The following PCDHGC3 variants were observed in gnomAD, a reference collection of about 807,000 sequenced individuals.
The protein encoded by PCDHGC3 is protocadherin gamma subfamily C, 3.
In PCDHGC3, 26 loss-of-function variants were observed where a neutral mutation model predicts 59.2. That is an observed-to-expected ratio of 0.44 (90% CI 0.32 to 0.61). The LOEUF (loss-of-function observed/expected upper bound fraction) is 0.61. Among genes scored for constraint, PCDHGC3 ranks in the 20% least tolerant of loss-of-function variants. The pLI is 0.05. For synonymous variants in PCDHGC3, 487 were observed against 519.7 expected, an observed-to-expected ratio of 0.94 and a Z score of 0.86; for missense variants, 1,080 against 1,221.8, an observed-to-expected ratio of 0.88 and a Z score of 1.73.
chr5:141,500,894 C>G (rs1221911920), intron 2 of PCDHGC3, among the ~76,000 whole-genome samples: 1 of 150,982 alleles, frequency 6.6e-6, no homozygotes, highest in African/African-American at 2.4e-5. Flanking sequence ...TTTTTTGAGA[C>G]AGTCTCGCTC....
In PCDHGC3 at chr5:141,493,755, A is replaced by C. The variant is rs1364524112; in HGVS notation, c.2431-1052A>C. Among the ~76,000 whole-genome samples, 1 of 152,148 alleles carries C rather than the reference A, an allele frequency of 6.6e-6. No homozygotes were observed. The highest frequency in any genetic ancestry group is 2.4e-5 in the African/African-American group (1 of 41,440). On this transcript the variant is annotated intron_variant, in intron 1 of 3. Coordinates refer to ENST00000308177, the MANE Select transcript of PCDHGC3 (RefSeq NM_002588.4). The surrounding 1 kb of genome is among the most constrained non-coding windows in gnomAD (Gnocchi z 4.3). ...ATATCACTGCCACCTGTGAGCCTTG[A>C]GTGAGCCACTGGCAGTTCCGGAGCT...
At chr5:141,483,706 C>T (rs1187078630) in intron 1 of PCDHGC3, among the ~76,000 whole-genome samples, 1 of 151,926 alleles carries the variant, frequency 6.6e-6, no homozygotes, top group African/African-American at 2.4e-5. Context: ...CTTTTTGACA[C>T]CAGAATATTG....
rs1429860093 is a variant in PCDHGC3, at chr5:141,487,828, C to A, written c.2431-6979C>A. 3 of 1,184,120 alleles carry A rather than the reference C, an allele frequency of 2.5e-6. No individual in the cohort carries two copies. The highest frequency in any genetic ancestry group is 1.5e-5 in the African/African-American group (1 of 64,540). The allele number at this position is 1,184,120 out of a possible 1,614,324, so 73.4% of individuals were successfully genotyped here. A position where few individuals can be genotyped will look rare whatever the true frequency, so the allele number is the denominator to read the frequency against. ...AGTTTAGCATTGGGGGCGGGTCATG[C>A]CTATATCTGAGTAAGAAATGAAAGT... On this transcript the variant is annotated intron_variant, in intron 1 of 3. Coordinates refer to ENST00000308177, the MANE Select transcript of PCDHGC3 (RefSeq NM_002588.4). The surrounding 1 kb of genome is among the most constrained non-coding windows in gnomAD (Gnocchi z 5.0).
In PCDHGC3 at chr5:141,477,531, C is replaced by T. The variant is rs1316982512; in HGVS notation, c.1415C>T (p.Pro472Leu). 5 of 1,614,162 alleles carry T rather than the reference C, an allele frequency of 3.1e-6. No homozygotes were observed. Among genetic ancestry groups the T allele is most frequent in the Middle Eastern group, 1.6e-4 (1 of 6,062 alleles). Residue 472 changes from proline to leucine, a missense_variant, in exon 1 of 4, where the codon CCC becomes CTC. Transcript: ENST00000308177. This position sits in a 1 kb window ranked among gnomAD's most constrained non-coding sequence, Gnocchi z 4.9. ...GTTTACATTGAAGAAAACAACCTCC[C>T]CGGGGCTCCAATACTAAACCTAAGT... is the stretch of plus-strand genomic sequence containing the variant. ...YDVYIEENNL[P>L]GAPILNLSVW...
chr5:141,500,499 G>T lies in PCDHGC3; in HGVS notation c.2490-4894G>T, dbSNP rs531501031. On this transcript the variant is annotated intron_variant, in intron 2 of 3. Transcript: ENST00000308177. ...GCTGGGATTACAGGCGTGAGCCACC[G>T]CGCCTGGCCGAGCTTCATTTTAAAA... Among the ~76,000 whole-genome samples, 24 of 152,088 alleles carry T rather than the reference G, an allele frequency of 1.6e-4. 1 individual carries two copies. In the Middle Eastern group the frequency reaches 0.01, roughly 65 times the overall value.
In PCDHGC3 at chr5:141,485,697, A is replaced by G. The variant is rs76923861; in HGVS notation, c.2430+7151A>G. 48,100 of 1,614,036 alleles carry G rather than the reference A, an allele frequency of 0.03. 1,433 individuals carry two copies. Among genetic ancestry groups the G allele is most frequent in the African/African-American group, 0.15 (11,542 of 75,006 alleles). The stretch of plus-strand genomic sequence containing the variant: ...ATTAGCAGCTATAGGCTGAGCTCCA[A>G]TGAACACTTTGCACTGGATGTGAAG... On this transcript the variant is annotated intron_variant, in intron 1 of 3. Transcript: ENST00000308177. The surrounding 1 kb of genome is among the most constrained non-coding windows in gnomAD (Gnocchi z 5.7).
At position 141,493,262 on chromosome 5, in the gene PCDHGC3, A is replaced by G. The variant is rs148431133; in HGVS notation, c.2431-1545A>G. ...GGTACTAACATGCCTCTCTTATAAC[A>G]GCTTCACAGAGGTCAAGTGACTTGC... is the stretch of plus-strand genomic sequence containing the variant. On this transcript the variant is annotated intron_variant, in intron 1 of 3. Transcript: ENST00000308177. This position sits in a 1 kb window ranked among gnomAD's most constrained non-coding sequence, Gnocchi z 4.3. 5.1e-4 allele frequency among the ~76,000 whole-genome samples: 78 copies of G among 152,302 alleles called. No homozygotes were observed. Among genetic ancestry groups the G allele is most frequent in the African/African-American group, 1.7e-3 (72 of 41,574 alleles).
intron 2 of PCDHGC3, among the ~76,000 whole-genome samples, chr5:141,496,628 C>T (rs928402582): frequency 2.0e-5 from 3 of 152,212 alleles, no homozygotes; most frequent in Non-Finnish European, 2.9e-5. Flanking sequence ...GATCAAAAGG[C>T]TTGGGCTGCC....
rs753936459 is a variant in PCDHGC3 at position 141,501,288 on chromosome 5, TATAC to T, written c.2490-4103_2490-4100del. Among the ~76,000 whole-genome samples the T allele has an allele frequency of 4.5e-4, 37 of 81,322 alleles. No homozygotes were observed. The South Asian group carries it at 5.1e-3, about 11-fold the overall frequency. 53.4% of individuals were successfully genotyped at this position (81,322 alleles called of 152,430 possible). A position where few individuals can be genotyped will look rare whatever the true frequency, so the allele number is the denominator to read the frequency against. ...TAGTCCAGTCTATGGGATATTCCCT[TATAC>T]ACACACACACACACACACACACACA... On this transcript the variant is annotated intron_variant, in intron 2 of 3. Coordinates refer to ENST00000308177, the MANE Select transcript of PCDHGC3 (RefSeq NM_002588.4).
At chr5:141,488,217 A>G (rs537136341) in intron 1 of PCDHGC3, among the ~76,000 whole-genome samples, 2 of 152,274 alleles carry the variant, frequency 1.3e-5, no homozygotes, top group East Asian at 1.9e-4. Flanking sequence ...TCAAGTCCCT[A>G]CTGGGGATTT....
intron 1 of PCDHGC3, among the ~76,000 whole-genome samples, chr5:141,494,447 G>C (rs1413012155): frequency 6.6e-6 from 1 of 152,118 alleles, no homozygotes. Context: ...GCCACTTTAG[G>C]GGGCTTTGTC....
chr5:141,486,345 A>C lies in PCDHGC3; in HGVS notation c.2430+7799A>C. On this transcript the variant is annotated intron_variant, in intron 1 of 3. Coordinates refer to ENST00000308177, the MANE Select transcript of PCDHGC3 (RefSeq NM_002588.4). This position sits in a 1 kb window ranked among gnomAD's most constrained non-coding sequence, Gnocchi z 5.0. Reference sequence around the variant, plus strand: ...GGAGATGTGAGCCTCCGCATTCCTGACCACTTGCCATTTGCCCTCAAGTCT... The same window carrying C: ...GGAGATGTGAGCCTCCGCATTCCTGCCCACTTGCCATTTGCCCTCAAGTCT... The C allele has an allele frequency of 6.2e-7, 1 of 1,613,940 alleles. No homozygotes were observed. The highest frequency in any genetic ancestry group is 8.5e-7 in the Non-Finnish European group (1 of 1,179,986).
intron 1 of PCDHGC3, among the ~76,000 whole-genome samples, chr5:141,481,426 A>G (rs1431602618): frequency 6.6e-6 from 1 of 152,238 alleles, no homozygotes; most frequent in Non-Finnish European, 1.5e-5. Flanking sequence ...TGTGATGATG[A>G]TTGTATCAGT....
chr5:141,496,225 G>C (rs112222482), intron 2 of PCDHGC3, among the ~76,000 whole-genome samples: 178 of 152,276 alleles, frequency 1.2e-3, no homozygotes, highest in Non-Finnish European at 1.8e-3. Context: ...TGCTGAGACA[G>C]GAACCCCCTG....
Position 141,491,906 on chromosome 5 carries a change from T to A in PCDHGC3, c.2431-2901T>A, listed in dbSNP as rs1490050332. On this transcript the variant is annotated intron_variant, in intron 1 of 3. Transcript: ENST00000308177. The surrounding 1 kb of genome is among the most constrained non-coding windows in gnomAD (Gnocchi z 6.9). ...ATGGGGCTCCGAGCACCGGGGGTGG[T>A]GGCGACTGTGGGCGAGGGGAGGTGG... is the stretch of plus-strand genomic sequence containing the variant. 7.1e-7 allele frequency: 1 copy of A among 1,414,468 alleles called. No individual in the cohort carries two copies. Among genetic ancestry groups the A allele is most frequent in the African/African-American group, 1.4e-5 (1 of 69,002 alleles). 87.6% of individuals were successfully genotyped at this position (1,414,468 alleles called of 1,614,324 possible).
At chr5:141,500,615 A>G (rs1341597957) in intron 2 of PCDHGC3, among the ~76,000 whole-genome samples, 1 of 152,232 alleles carries the variant, frequency 6.6e-6, no homozygotes, top group East Asian at 1.9e-4. Flanking sequence ...ATTCCCAGTC[A>G]TACGGTACAT....
chr5:141,476,038 G>A lies in PCDHGC3; in HGVS notation c.-79G>A, dbSNP rs1426234941. 1.3e-6 allele frequency: 2 copies of A among 1,484,842 alleles called. No homozygotes were observed. Among genetic ancestry groups the A allele is most frequent in the Non-Finnish European group, 1.8e-6 (2 of 1,118,086 alleles). 92.0% of individuals were successfully genotyped at this position (1,484,842 alleles called of 1,614,324 possible). The stretch of plus-strand genomic sequence containing the variant: ...GTCGGACTCGGCGCCCAGCGCCCAA[G>A]CGCTAACCCGCTGAAAGTTTCTCAG... On this transcript the variant is annotated 5_prime_UTR_variant, in exon 1 of 4. Coordinates refer to ENST00000308177, the MANE Select transcript of PCDHGC3 (RefSeq NM_002588.4). The surrounding 1 kb of genome is among the most constrained non-coding windows in gnomAD (Gnocchi z 7.6).
intron 2 of PCDHGC3, among the ~76,000 whole-genome samples, chr5:141,497,621 C>T (rs769483223): frequency 7.3e-5 from 11 of 151,482 alleles, no homozygotes; most frequent in Non-Finnish European, 1.3e-4. Flanking sequence ...CTCACTGCAA[C>T]CTCTGCCTGC....
chr5:141,501,902 C>G (rs2154593013), intron 2 of PCDHGC3, among the ~76,000 whole-genome samples: 1 of 152,202 alleles, frequency 6.6e-6, no homozygotes, highest in East Asian at 1.9e-4. Flanking sequence ...GGTTCCAACC[C>G]CACTGTTCCA....
Sources: allele counts gnomAD v4.1 joint callset (sites outside exome capture counted in the v4.1 genomes callset), GRCh38; gene constraint gnomAD v4.1.1; non-coding constraint Gnocchi (gnomAD v3.1); transcripts MANE v1.5; gene names NCBI Gene and HGNC (gene_info 2026-07-23, HGNC 2026-07-21).